Variants in CELF2 observed in about 807,000 individuals in gnomAD.
CELF2 encodes CUG triplet repeat RNA-binding protein 2.
CELF2 carries 8 observed loss-of-function variants against 62.6 expected under a neutral mutation model. The ratio of observed to expected loss-of-function variants is 0.13; its 90% confidence interval spans 0.07 to 0.23. The LOEUF is 0.23. CELF2 is among the 10% of genes least tolerant of loss of function. The pLI is 1.00. For synonymous variants in CELF2, 258 were observed against 250.0 expected, an observed-to-expected ratio of 1.03 and a Z score of -0.30; for missense variants, 333 against 671.0, an observed-to-expected ratio of 0.50 and a Z score of 5.56.
In CELF2 at chr10:10,917,290, A is replaced by G. The variant is rs182337751; in HGVS notation, c.54-2674A>G. Among the ~76,000 whole-genome samples, 137 of 152,272 alleles carry G rather than the reference A, an allele frequency of 9.0e-4. 1 individual carries two copies. Among genetic ancestry groups the G allele is most frequent in the Middle Eastern group, 6.8e-3 (2 of 294 alleles). On this transcript the variant is annotated intron_variant, in intron 1 of 13. Coordinates refer to the CELF2 transcript ENST00000636488. The stretch of plus-strand genomic sequence containing the variant: ...TTGGTCAATCCAGTAAGCTTTTGAA[A>G]CAGAGGTCAATTATGGACATTTCTA...
At chr10:10,863,843 TTAAC>T (rs2060194082) in intron 1 of CELF2, among the ~76,000 whole-genome samples, 1 of 152,174 alleles carries the variant, frequency 6.6e-6, no homozygotes, top group African/African-American at 2.4e-5. Context: ...ACTAACTTGT[TTAAC>T]TAGGACTTTC....
intron 9 of CELF2, among the ~76,000 whole-genome samples, chr10:11,304,555 A>G (rs1456817551): frequency 6.6e-6 from 1 of 151,856 alleles, no homozygotes; most frequent in African/African-American, 2.4e-5. Flanking sequence ...AGTGCGGGGC[A>G]TCACATGGCC....
chr10:10,668,159 A>T, the CELF2 span, among the ~76,000 whole-genome samples: 1 of 152,202 alleles, frequency 6.6e-6, no homozygotes, highest in Non-Finnish European at 1.5e-5. Flanking sequence ...TGGCAATATA[A>T]TTGACATACA....
intron 1 of CELF2, among the ~76,000 whole-genome samples, chr10:10,862,929 G>T (rs2060129847): frequency 6.6e-6 from 1 of 152,206 alleles, no homozygotes; most frequent in South Asian, 2.1e-4. Context: ...TAAGGGCAGA[G>T]TAAGTGGCAA....
chr10:10,992,283 G>T (rs991426519), intron 2 of CELF2, among the ~76,000 whole-genome samples: 1 of 152,148 alleles, frequency 6.6e-6, no homozygotes, highest in African/African-American at 2.4e-5. Context: ...TTGTGAGTTG[G>T]GCTCAAATCT....
chr10:10,507,968 A>G, the CELF2 span, among the ~76,000 whole-genome samples: 2 of 152,234 alleles, frequency 1.3e-5, no homozygotes, highest in Non-Finnish European at 2.9e-5. Flanking sequence ...AAATGATGAA[A>G]TAAAGTAGAT....
rs944087608 is a variant in CELF2, at chr10:11,039,981, G to A, written c.74+21818G>A. The stretch of plus-strand genomic sequence containing the variant: ...AAAATGTATTGATTATCTTTATGTG[G>A]ACCATGACAAATTGATTTTTTAATT... On this transcript the variant is annotated intron_variant, in intron 1 of 12. Coordinates refer to ENST00000633077, the MANE Select transcript of CELF2 (RefSeq NM_001326342.2). The surrounding 1 kb of genome is among the most constrained non-coding windows in gnomAD (Gnocchi z 4.1). 1.3e-5 allele frequency among the ~76,000 whole-genome samples: 2 copies of A among 152,172 alleles called. No homozygotes were observed. Among genetic ancestry groups the A allele is most frequent in the Non-Finnish European group, 2.9e-5 (2 of 68,028 alleles).
rs2065961415 is a variant in CELF2, at chr10:11,162,555, GAC to G, written c.75-2926_75-2925del. Among the ~76,000 whole-genome samples the G allele has an allele frequency of 2.0e-5, 3 of 150,042 alleles. No individual in the cohort carries two copies. In the South Asian group the frequency reaches 6.3e-4, roughly 32 times the overall value. On this transcript the variant is annotated intron_variant, in intron 1 of 12. Transcript: ENST00000633077. ...GAAGAAGGGAATCTGTGGAGATGGA[GAC>G]ACACTATGTGACTGAGTAAATGTAG... is the stretch of plus-strand genomic sequence containing the variant.
In CELF2 at chr10:10,920,942, TTTG is replaced by T. The variant is rs145373066; in HGVS notation, c.89+964_89+966del. On this transcript the variant is annotated intron_variant, in intron 2 of 13. Transcript: ENST00000636488. ...TGAGCACCAAGGATTGTGCCTTTGT[TTTG>T]TTGTTGTTGTTGTTGTTGTTATTTT... is the stretch of plus-strand genomic sequence containing the variant. 1.8e-4 allele frequency among the ~76,000 whole-genome samples: 28 copies of T among 152,012 alleles called. 1 individual carries two copies. The highest frequency in any genetic ancestry group is 4.1e-4 in the African/African-American group (17 of 41,478).
chr10:10,677,530 T>C, the CELF2 span, among the ~76,000 whole-genome samples: 8 of 152,224 alleles, frequency 5.3e-5, no homozygotes, highest in Non-Finnish European at 1.0e-4. Flanking sequence ...ATACTGAATA[T>C]TGAATCAGTG....
chr10:10,873,381 C>T (rs532812403), intron 1 of CELF2, among the ~76,000 whole-genome samples: 235 of 152,216 alleles, frequency 1.5e-3, no homozygotes, highest in African/African-American at 5.2e-3. Flanking sequence ...TTTTAGCCCT[C>T]GGGGTAACAG....
At chr10:10,740,224 G>T in the CELF2 span, among the ~76,000 whole-genome samples, 1 of 129,626 alleles carries the variant, frequency 7.7e-6, no homozygotes. Flanking sequence ...CTTTTCCCCT[G>T]TGTTTTCTTC....
chr10:10,820,849 A>G (rs1357346948), intron 1 of CELF2, among the ~76,000 whole-genome samples: 1 of 152,182 alleles, frequency 6.6e-6, no homozygotes. Context: ...AGCACCACTA[A>G]GAGATTTGCA....
chr10:11,105,967 A>G (rs1031149845), intron 1 of CELF2, among the ~76,000 whole-genome samples: 1 of 152,264 alleles, frequency 6.6e-6, no homozygotes, highest in Non-Finnish European at 1.5e-5. Context: ...TAATGAGAAC[A>G]AAAAATCAAA....
the CELF2 span, among the ~76,000 whole-genome samples, chr10:10,487,352 C>T: frequency 5.8e-3 from 889 of 152,152 alleles, 10 homozygotes; most frequent in African/African-American, 0.02. Context: ...AAAAGCTTCC[C>T]TCTCTTAAGT....
chr10:11,293,764 A>T (rs937307896), intron 9 of CELF2, among the ~76,000 whole-genome samples: 25 of 152,174 alleles, frequency 1.6e-4, no homozygotes, highest in African/African-American at 4.8e-4. Flanking sequence ...CATCTGGAGC[A>T]GCACATCAGA....
the CELF2 span, among the ~76,000 whole-genome samples, chr10:10,523,410 C>G: frequency 6.6e-6 from 1 of 152,168 alleles, no homozygotes; most frequent in African/African-American, 2.4e-5. Flanking sequence ...TTTACTTCAA[C>G]TTTTATTGTA....
intron 1 of CELF2, among the ~76,000 whole-genome samples, chr10:11,150,039 A>C (rs1305953311): frequency 1.3e-5 from 2 of 152,168 alleles, no homozygotes; most frequent in East Asian, 3.8e-4. Flanking sequence ...TTTTTGTAGT[A>C]ATATGGGTTG....
the CELF2 span, among the ~76,000 whole-genome samples, chr10:10,539,462 C>T: frequency 1.5e-3 from 218 of 149,196 alleles, 1 homozygote; most frequent in African/African-American, 5.1e-3. Flanking sequence ...CCCACCCCCA[C>T]CTCTGTGCTA....
Sources: allele counts gnomAD v4.1 joint callset (sites outside exome capture counted in the v4.1 genomes callset), GRCh38; gene constraint gnomAD v4.1.1; non-coding constraint Gnocchi (gnomAD v3.1); transcripts MANE v1.5; gene names NCBI Gene and HGNC (gene_info 2026-07-23, HGNC 2026-07-21).